The following ARRDC3 variants were observed in gnomAD, a reference collection of about 807,000 sequenced individuals.
The protein encoded by ARRDC3 is arrestin domain-containing protein 3.
A neutral mutation model predicts 47.2 loss-of-function variants in ARRDC3; 10 were observed. That is an observed-to-expected ratio of 0.21 (90% CI 0.13 to 0.36). ARRDC3 has a LOEUF of 0.36. ARRDC3 is among the 10% of genes least tolerant of loss of function. The pLI, the probability that ARRDC3 is intolerant of heterozygous loss-of-function variation, is 1.00. For synonymous variants in ARRDC3, 156 were observed against 178.3 expected (o/e 0.87, Z 1.00); for missense variants, 381 against 503.6 (o/e 0.76, Z 2.33).
intron 1 of ARRDC3, chr5:91,380,986 T>C (rs1223273358): frequency 6.6e-6 from 1 of 152,278 alleles, no homozygotes; most frequent in Non-Finnish European, 1.5e-5. Context: ...GCCGGTTTCC[T>C]AGCCTCGCCC....
intron 1 of ARRDC3, chr5:91,379,911 A>C (rs1030367316): frequency 6.6e-6 from 1 of 152,184 alleles, no homozygotes; most frequent in Non-Finnish European, 1.5e-5. Flanking sequence ...TGATTCGCTT[A>C]TGTCTCCATA....
At chr5:91,373,180 T>C (rs1351454100) in intron 7 of ARRDC3, among the ~76,000 whole-genome samples, 1 of 152,228 alleles carries the variant, frequency 6.6e-6, no homozygotes, top group African/African-American at 2.4e-5. Context: ...TTATTTACAT[T>C]TAAGTGCTTA....
chr5:91,373,265 C>A (rs181562025), intron 7 of ARRDC3, among the ~76,000 whole-genome samples: 1 of 152,214 alleles, frequency 6.6e-6, no homozygotes, highest in East Asian at 1.9e-4. Context: ...ATCACAAATA[C>A]ATTATTTCTT....
intron 6 of ARRDC3, 99 bp from the exon 7 acceptor site, chr5:91,373,937 A>G: frequency 6.5e-7 from 1 of 1,528,136 alleles, no homozygotes; most frequent in East Asian, 2.3e-5. Context: ...AGGTAAAATA[A>G]TTATTGTTTG....
In ARRDC3 at chr5:91,371,317, G is replaced by GT; in HGVS notation, c.*82dup. 1 of 1,223,634 alleles carries GT rather than the reference G, an allele frequency of 8.2e-7. No homozygotes were observed. Among genetic ancestry groups the GT allele is most frequent in the Non-Finnish European group, 1.2e-6 (1 of 853,192 alleles). 75.8% of individuals were successfully genotyped at this position (1,223,634 alleles called of 1,614,324 possible). A position where few individuals can be genotyped will look rare whatever the true frequency, so the allele number is the denominator to read the frequency against. Reference sequence around the variant, plus strand: ...AAAGTAATTCCACTTCCTCTGAAACGTGTCTCCAAGATACTTCTCTGTCCT... The same window carrying GT: ...AAAGTAATTCCACTTCCTCTGAAACGTTGTCTCCAAGATACTTCTCTGTCCT... On this transcript the variant is annotated 3_prime_UTR_variant, in exon 8 of 8. Transcript: ENST00000265138.
intron 1 of ARRDC3, chr5:91,380,167 A>T (rs999562861): frequency 6.4e-6 from 1 of 156,576 alleles, no homozygotes; most frequent in Non-Finnish European, 1.4e-5. Flanking sequence ...GGAGCAGGAG[A>T]GGACCGGCCT....
chr5:91,371,185 G>C lies in ARRDC3; in HGVS notation c.*215C>G, dbSNP rs1243785395. ...CTCTGAGTATGTGCCAGTTTTAAAA[G>C]AGAAAAGCTTAGATCTTCAAGCATG... On this transcript the variant is annotated 3_prime_UTR_variant, in exon 8 of 8. Coordinates refer to ENST00000265138, the MANE Select transcript of ARRDC3 (RefSeq NM_020801.4). 1.8e-6 allele frequency: 1 copy of C among 544,650 alleles called. No individual in the cohort carries two copies. The highest frequency in any genetic ancestry group is 1.9e-5 in the African/African-American group (1 of 52,696). 33.7% of individuals were successfully genotyped at this position (544,650 alleles called of 1,614,324 possible).
chr5:91,371,052 G>C lies in ARRDC3; in HGVS notation c.*348C>G. ...AAAGAAGCTGTAGTGACGTCGAACC[G>C]CACAATGTAAGCATTGAGCATGTGC... On this transcript the variant is annotated 3_prime_UTR_variant, in exon 8 of 8. Transcript: ENST00000265138. The C allele has an allele frequency of 6.1e-6, 1 of 162,704 alleles. No individual in the cohort carries two copies. Among genetic ancestry groups the C allele is most frequent in the Non-Finnish European group, 1.3e-5 (1 of 78,994 alleles). The allele number at this position is 162,704 out of a possible 1,614,324, so 10.1% of individuals were successfully genotyped here.
intron 3 of ARRDC3, 59 bp from the exon 4 acceptor site, chr5:91,375,672 G>A: frequency 9.0e-7 from 1 of 1,110,922 alleles, no homozygotes; most frequent in South Asian, 1.9e-5. Flanking sequence ...ATCAATACCA[G>A]AATATTTTAA....
intron 1 of ARRDC3, among the ~76,000 whole-genome samples, chr5:91,382,127 C>T (rs930839247): frequency 7.9e-5 from 12 of 152,086 alleles, no homozygotes; most frequent in African/African-American, 2.9e-4. Context: ...ACATGATGCT[C>T]GGAAAAGAAA....
intron 2 of ARRDC3, 118 bp from the exon 3 acceptor site, chr5:91,376,886 C>CATAT: frequency 9.9e-7 from 1 of 1,012,882 alleles, no homozygotes; most frequent in Non-Finnish European, 1.3e-6. Context: ...AGGTATCAAA[C>CATAT]ATATAATTTA....
chr5:91,383,203 G>A lies in ARRDC3; in HGVS notation c.-111C>T. The stretch of plus-strand genomic sequence containing the variant: ...GATATTTTTGCCGTGCAAAATGCTT[G>A]CAGGCCGGATCAGTGATTCTCTACA... On this transcript the variant is annotated 5_prime_UTR_variant, in exon 1 of 8. Coordinates refer to ENST00000265138, the MANE Select transcript of ARRDC3 (RefSeq NM_020801.4). 1.0e-6 allele frequency: 1 copy of A among 999,366 alleles called. No individual in the cohort carries two copies. Among genetic ancestry groups the A allele is most frequent in the South Asian group, 1.7e-5 (1 of 59,422 alleles). 61.9% of individuals were successfully genotyped at this position (999,366 alleles called of 1,614,324 possible).
At chr5:91,371,881 C>T (rs749448938) in intron 7 of ARRDC3, among the ~76,000 whole-genome samples, 9 of 152,146 alleles carry the variant, frequency 5.9e-5, no homozygotes, top group Admixed American at 2.0e-4. Flanking sequence ...GTTAACTCAT[C>T]GCTTCCTCTG....
intron 7 of ARRDC3, among the ~76,000 whole-genome samples, 157 bp from the exon 8 acceptor site, chr5:91,371,613 G>A (rs372416101): frequency 1.3e-5 from 2 of 152,040 alleles, no homozygotes; most frequent in African/African-American, 2.4e-5. Context: ...CTTTTCATAC[G>A]TGAAATGCTA....
Position 91,373,708 on chromosome 5 carries a change from G to T in ARRDC3, c.1164C>A (p.Phe388Leu). 1 of 1,613,856 alleles carries T rather than the reference G, an allele frequency of 6.2e-7. No individual in the cohort carries two copies. The highest frequency in any genetic ancestry group is 8.5e-7 in the Non-Finnish European group (1 of 1,179,826). The change falls in exon 7 of 8, where the codon TTC becomes TTA. Residue 388 changes from phenylalanine to leucine, a missense_variant. Phe to Leu is a conservative substitution (Grantham distance 22). Transcript: ENST00000265138. ...CCTCTGAATAAAGAGGTGGAGGCAA[G>T]AATCGAAACTCCTGGATATATGCAA... The part of the protein sequence containing the change: ...PLFAYIQEFR[F>L]LPPPLYSEID...
At chr5:91,373,993 G>T in intron 6 of ARRDC3, 121 bp downstream of exon 6, 1 of 1,406,070 alleles carries the variant, frequency 7.1e-7, no homozygotes, top group Non-Finnish European at 9.7e-7. Flanking sequence ...AATATTAGGG[G>T]CACATCTACT....
chr5:91,381,031 C>G (rs1023654923), intron 1 of ARRDC3: 1 of 152,266 alleles, frequency 6.6e-6, no homozygotes. Flanking sequence ...CCCACCCGCC[C>G]GCGCCCAATC....
intron 2 of ARRDC3, among the ~76,000 whole-genome samples, chr5:91,377,364 C>T (rs1050392877): frequency 6.6e-6 from 1 of 151,888 alleles, no homozygotes; most frequent in African/African-American, 2.4e-5. Flanking sequence ...ACTTTACGGG[C>T]TTCAAAAGAA....
At chr5:91,376,824 A>C in intron 2 of ARRDC3, 56 bp from the exon 3 acceptor site, 1 of 1,488,466 alleles carries the variant, frequency 6.7e-7, no homozygotes. Context: ...TAACAATTAC[A>C]CAGTAGGTCA....
Sources: allele counts gnomAD v4.1 joint callset (sites outside exome capture counted in the v4.1 genomes callset), GRCh38; gene constraint gnomAD v4.1.1; transcripts MANE v1.5; gene names NCBI Gene and HGNC (gene_info 2026-07-23, HGNC 2026-07-21).